ERLEC1: variants seen among roughly 807,000 people sequenced by gnomAD.
The protein encoded by ERLEC1 is endoplasmic reticulum lectin 1.
ERLEC1 carries 47 observed loss-of-function variants against 68.0 expected under a neutral mutation model. That is an observed-to-expected ratio of 0.69 (90% CI 0.55 to 0.88). ERLEC1 has a LOEUF of 0.88. Among genes scored for constraint, ERLEC1 ranks in the 40% least tolerant of loss-of-function variants. The pLI is 0.00. For missense variants in ERLEC1, 567 were observed against 583.8 expected (o/e 0.97, Z 0.30); for synonymous variants, 225 against 203.2 (o/e 1.11, Z -0.91).
chr2:53,799,087 T>G lies in ERLEC1; in HGVS notation c.525+6T>G, dbSNP rs1311512574. On this transcript the variant is annotated splice_donor_region_variant and intron_variant, in intron 6 of 13. Coordinates refer to ENST00000185150, the MANE Select transcript of ERLEC1 (RefSeq NM_015701.5). ...AAAAGGAAAAATCAAATGAGGCAAG[T>G]GACAGATGTTGATTTTTTTCCTCTT... The G allele has an allele frequency of 5.6e-6, 9 of 1,610,584 alleles. No homozygotes were observed. The highest frequency in any genetic ancestry group is 7.6e-6 in the Non-Finnish European group (9 of 1,177,904).
intron 6 of ERLEC1, among the ~76,000 whole-genome samples, chr2:53,799,462 A>C (rs1309441025): frequency 1.3e-5 from 2 of 152,150 alleles, no homozygotes; most frequent in Non-Finnish European, 2.9e-5. Flanking sequence ...AAGCTACCAA[A>C]CTGCAAGCAT....
chr2:53,796,109 GGT>G, intron 3 of ERLEC1, 96 bp downstream of exon 3: 1 of 823,790 alleles, frequency 1.2e-6, no homozygotes, highest in Non-Finnish European at 1.8e-6. Context: ...TGTTGTGTCA[GGT>G]TTTTTTTTTT....
At chr2:53,798,533 C>G (rs960986443) in intron 5 of ERLEC1, among the ~76,000 whole-genome samples, 1 of 151,624 alleles carries the variant, frequency 6.6e-6, no homozygotes, top group Non-Finnish European at 1.5e-5. Context: ...GTCCTGGGAT[C>G]GTATGCATGA....
At chr2:53,814,995 C>CTTTTTTTTTTTTTTTTTTTTTTT (rs777632156) in intron 13 of ERLEC1, 60 bp downstream of exon 13, 77 of 470,066 alleles carry the variant, frequency 1.6e-4, no homozygotes, top group East Asian at 7.4e-4. Context: ...ATTTTTTTTT[C>CTTTTTTTTTTTTTTTTTTTTTTT]TTTTTTTTTT....
chr2:53,801,443 T>C lies in ERLEC1; in HGVS notation c.572T>C (p.Val191Ala). 6.2e-7 allele frequency: 1 copy of C among 1,614,016 alleles called. No individual in the cohort carries two copies. Among genetic ancestry groups the C allele is most frequent in the Non-Finnish European group, 8.5e-7 (1 of 1,179,940 alleles). ...GGTCAGATGACACCATACTATCCTG[T>C]GGGAATGGGAAATGGTACACCTTGT... ...IEGQMTPYYP[V>A]GMGNGTPCSL... The change falls in exon 7 of 14, where the codon GTG (valine) becomes GCG (alanine). Residue 191 changes from valine to alanine, a missense_variant. Val to Ala is a moderately conservative substitution (Grantham distance 64). Coordinates refer to ENST00000185150, the MANE Select transcript of ERLEC1 (RefSeq NM_015701.5).
chr2:53,788,967 C>G (rs1675235653), intron 1 of ERLEC1, among the ~76,000 whole-genome samples: 1 of 151,868 alleles, frequency 6.6e-6, no homozygotes, highest in African/African-American at 2.4e-5. Context: ...TGATATGCAG[C>G]CCTGAAAACT....
rs1676193718 is a variant in ERLEC1, at chr2:53,804,808, C to G, written c.879+2966C>G. ...TCCCCACCTCCTTCACAACCTCCCA[C>G]TACCCTTCCCAGCCTATAGTAACCA... On this transcript the variant is annotated intron_variant, in intron 8 of 13. Coordinates refer to ENST00000185150, the MANE Select transcript of ERLEC1 (RefSeq NM_015701.5). Among the ~76,000 whole-genome samples the G allele has an allele frequency of 3.3e-5, 5 of 152,036 alleles. No homozygotes were observed. In the South Asian group the frequency reaches 1.0e-3, roughly 32 times the overall value.
chr2:53,794,308 C>A, intron 1 of ERLEC1, 37 bp from the exon 2 acceptor site: 1 of 902,558 alleles, frequency 1.1e-6, no homozygotes, highest in Non-Finnish European at 1.7e-6. Context: ...TACAATTTCA[C>A]GGAGAACATA....
chr2:53,809,494 T>C (rs894792370), intron 10 of ERLEC1, among the ~76,000 whole-genome samples: 1 of 152,240 alleles, frequency 6.6e-6, no homozygotes, highest in African/African-American at 2.4e-5. Context: ...CATATGCTTC[T>C]ATTACTATGA....
At chr2:53,803,223 A>C (rs143972575) in intron 8 of ERLEC1, among the ~76,000 whole-genome samples, 21 of 152,290 alleles carry the variant, frequency 1.4e-4, no homozygotes, top group African/African-American at 5.1e-4. Context: ...CTTCTGCAAA[A>C]ATATTACTGG....
At position 53,812,925 on chromosome 2, in the gene ERLEC1, T is replaced by G. The variant is rs761477806; in HGVS notation, c.1102-24T>G. On this transcript the variant is annotated intron_variant, in intron 10 of 13. Transcript: ENST00000185150. ...ACTTGATGATATCAAGCACGCATTA[T>G]CACAAATTTTTTTCCCATATTAGGA... 1.9e-6 allele frequency: 3 copies of G among 1,598,376 alleles called. No individual in the cohort carries two copies. The Admixed American group carries it at 5.6e-5, about 30-fold the overall frequency.
intron 11 of ERLEC1, among the ~76,000 whole-genome samples, 156 bp downstream of exon 11, chr2:53,813,229 A>AATAATAGTTATT (rs1291266103): frequency 6.6e-6 from 1 of 152,188 alleles, no homozygotes; most frequent in Admixed American, 6.5e-5. Flanking sequence ...TTAGGGAAGC[A>AATAATAGTTATT]ACACAGTGTA....
At position 53,791,515 on chromosome 2, in the gene ERLEC1, T is replaced by C. The variant is rs111598300; in HGVS notation, c.163-2830T>C. On this transcript the variant is annotated intron_variant, in intron 1 of 13. Transcript: ENST00000185150. ...TAGAAAAATTATAAAAGATAAACTT[T>C]TTCTCCGTAATTCCTGTTACCAAAA... Among the ~76,000 whole-genome samples the C allele has an allele frequency of 5.3e-5, 8 of 152,342 alleles. No individual in the cohort carries two copies. In the South Asian group the frequency reaches 8.3e-4, roughly 16 times the overall value.
chr2:53,791,521 C>T (rs542540931), intron 1 of ERLEC1, among the ~76,000 whole-genome samples: 6 of 152,134 alleles, frequency 3.9e-5, no homozygotes, highest in South Asian at 2.1e-4. Context: ...ACTTTTTCTC[C>T]GTAATTCCTG....
intron 11 of ERLEC1, 142 bp downstream of exon 11, chr2:53,813,215 T>C: frequency 1.0e-6 from 1 of 1,000,008 alleles, no homozygotes; most frequent in Non-Finnish European, 1.4e-6. Context: ...TTAGTTTTCT[T>C]TTCTTAGGGA....
intron 10 of ERLEC1, among the ~76,000 whole-genome samples, chr2:53,810,389 CT>C (rs1485007456): frequency 6.6e-6 from 1 of 152,054 alleles, no homozygotes; most frequent in Admixed American, 6.6e-5. Context: ...TTTTTGAGTT[CT>C]TTTATTTATA....
At chr2:53,814,685 T>G in intron 12 of ERLEC1, 65 bp downstream of exon 12, 3 of 1,203,554 alleles carry the variant, frequency 2.5e-6, no homozygotes, top group Non-Finnish European at 2.4e-6. Context: ...TGGACAAAAG[T>G]TTTATGTAAA....
At chr2:53,804,713 G>T (rs1676188031) in intron 8 of ERLEC1, among the ~76,000 whole-genome samples, 1 of 152,084 alleles carries the variant, frequency 6.6e-6, no homozygotes, top group African/African-American at 2.4e-5. Context: ...ATTGACTATA[G>T]TCACCCTGTT....
chr2:53,803,882 A>T (rs1430297384), intron 8 of ERLEC1, among the ~76,000 whole-genome samples: 1 of 152,270 alleles, frequency 6.6e-6, no homozygotes, highest in Non-Finnish European at 1.5e-5. Flanking sequence ...TAATTCCAGC[A>T]CTTTGGGAGG....
Sources: gnomAD v4.1 joint callset for allele counts (sites outside exome capture counted in the v4.1 genomes callset) on GRCh38, gnomAD v4.1.1 for gene constraint, MANE v1.5 for transcripts, NCBI Gene and HGNC (gene_info 2026-07-23, HGNC 2026-07-21) for gene names.